SLC44A1: variants seen among roughly 807,000 people sequenced by gnomAD.
SLC44A1 encodes choline transporter-like protein 1.
A neutral mutation model predicts 79.3 loss-of-function variants in SLC44A1; 26 were observed. The observed-to-expected ratio is 0.33, with a 90% CI of 0.24 to 0.46. The LOEUF (loss-of-function observed/expected upper bound fraction) is 0.46, where lower values mean the gene tolerates loss of function less well. Among genes scored for constraint, SLC44A1 ranks in the 20% least tolerant of loss-of-function variants. The probability of loss-of-function intolerance (pLI) is 1.00; values close to 1 mark genes in which losing one functional copy is unlikely to be tolerated. For missense variants in SLC44A1, 688 were observed against 798.1 expected, an observed-to-expected ratio of 0.86 and a Z score of 1.66; for synonymous variants, 263 against 286.2, an observed-to-expected ratio of 0.92 and a Z score of 0.82.
chr9:105,392,583 G>A lies in SLC44A1; in HGVS notation c.*3527G>A, dbSNP rs1027980519. The A allele has an allele frequency of 6.9e-5, 68 of 985,064 alleles. No individual in the cohort carries two copies. The African/African-American group carries it at 1.2e-3, about 17-fold the overall frequency. 61.0% of individuals were successfully genotyped at this position (985,064 alleles called of 1,614,324 possible). On this transcript the variant is annotated 3_prime_UTR_variant, in exon 16 of 16. Transcript: ENST00000374720. Reference sequence around the variant, plus strand: ...GACCCCTTTATTCTGGACCCAAACTGCTTTAGAGCAGAGTTAATACCTCTC... The same window carrying A: ...GACCCCTTTATTCTGGACCCAAACTACTTTAGAGCAGAGTTAATACCTCTC...
intron 2 of SLC44A1, among the ~76,000 whole-genome samples, chr9:105,304,119 G>A (rs1450098170): frequency 2.0e-5 from 3 of 152,218 alleles, no homozygotes; most frequent in African/African-American, 7.2e-5. Context: ...GTTGGATTTA[G>A]GGGACATCAT....
chr9:105,382,991 C>T, intron 13 of SLC44A1, 132 bp from the exon 14 acceptor site: 1 of 640,702 alleles, frequency 1.6e-6, no homozygotes, highest in Non-Finnish European at 2.8e-6. Flanking sequence ...GATTATATTT[C>T]CTCATTTGAG....
At chr9:105,315,327 G>T (rs376090070) in intron 3 of SLC44A1, among the ~76,000 whole-genome samples, 54 of 147,358 alleles carry the variant, frequency 3.7e-4, no homozygotes, top group African/African-American at 1.3e-3. Context: ...AAAATACTTA[G>T]CTTCAAATTG....
At chr9:105,288,171 A>G (rs1471829155) in intron 1 of SLC44A1, among the ~76,000 whole-genome samples, 1 of 152,186 alleles carries the variant, frequency 6.6e-6, no homozygotes, top group Non-Finnish European at 1.5e-5. Context: ...CATGTTTCTA[A>G]CACAACTGTT....
Position 105,299,284 on chromosome 9 carries a change from T to C in SLC44A1, c.101T>C (p.Leu34Pro). ...RSCTDIPWLL[L>P]FILFCIGMGF... ...TGCACAGACATACCATGGCTGCTGCTCTTCATCCTCTTCTGCATTGGGATG... is the reference window on the plus strand; with the variant it reads ...TGCACAGACATACCATGGCTGCTGCCCTTCATCCTCTTCTGCATTGGGATG... Residue 34 changes from leucine to proline, a missense_variant, in exon 2 of 16, where the codon CTC becomes CCC. Leu to Pro is a moderately conservative substitution (Grantham distance 98). Transcript: ENST00000374720. 1 of 1,593,000 alleles carries C rather than the reference T, an allele frequency of 6.3e-7. No individual in the cohort carries two copies. The highest frequency in any genetic ancestry group is 1.2e-5 in the South Asian group (1 of 86,704).
At chr9:105,387,386 A>G (rs555866761) in intron 15 of SLC44A1, among the ~76,000 whole-genome samples, 7 of 152,208 alleles carry the variant, frequency 4.6e-5, no homozygotes, top group South Asian at 4.1e-4. Flanking sequence ...GCTTGGGCAG[A>G]TGGAGGCACA....
At chr9:105,350,851 G>A (rs1294430164) in intron 5 of SLC44A1, among the ~76,000 whole-genome samples, 5 of 152,190 alleles carry the variant, frequency 3.3e-5, no homozygotes, top group Admixed American at 6.5e-5. Context: ...TCTTTCTTGG[G>A]TATCCAGGGG....
chr9:105,379,254 G>A (rs546441827), intron 13 of SLC44A1, among the ~76,000 whole-genome samples: 1 of 152,304 alleles, frequency 6.6e-6, no homozygotes, highest in African/African-American at 2.4e-5. Flanking sequence ...CAGTCTGGGT[G>A]ACAGAGCAAG....
chr9:105,408,895 C>A (rs1020516386), intron 15 of SLC44A1, among the ~76,000 whole-genome samples: 1 of 152,104 alleles, frequency 6.6e-6, no homozygotes, highest in African/African-American at 2.4e-5. Flanking sequence ...GGTATTAATT[C>A]AAACTAAATT....
chr9:105,432,683 G>C (rs1376172381), intron 15 of SLC44A1, among the ~76,000 whole-genome samples: 2 of 152,224 alleles, frequency 1.3e-5, no homozygotes, highest in Non-Finnish European at 2.9e-5. Flanking sequence ...TAATCTTGAT[G>C]ACAGCTGGCA....
chr9:105,378,911 A>G (rs1828375211), intron 13 of SLC44A1, among the ~76,000 whole-genome samples: 3 of 152,256 alleles, frequency 2.0e-5, no homozygotes, highest in Non-Finnish European at 4.4e-5. Flanking sequence ...ATCAACTTGA[A>G]TGAATCTTGA....
At chr9:105,435,608 C>T (rs1047508198) in intron 15 of SLC44A1, among the ~76,000 whole-genome samples, 6 of 152,158 alleles carry the variant, frequency 3.9e-5, no homozygotes, top group African/African-American at 9.7e-5. Context: ...AAGGCAGGAA[C>T]TAGCTGTTTC....
intron 3 of SLC44A1, among the ~76,000 whole-genome samples, chr9:105,310,566 T>C (rs748107914): frequency 3.3e-5 from 5 of 152,224 alleles, no homozygotes; most frequent in Non-Finnish European, 7.4e-5. Flanking sequence ...TCTAACTTGT[T>C]CTTCAGAATT....
chr9:105,292,854 T>C (rs999268543), intron 1 of SLC44A1, among the ~76,000 whole-genome samples: 1 of 152,248 alleles, frequency 6.6e-6, no homozygotes, highest in Non-Finnish European at 1.5e-5. Context: ...CAGTATTTAT[T>C]TGAAGAATCA....
chr9:105,379,873 T>C (rs1828408619), intron 13 of SLC44A1, among the ~76,000 whole-genome samples: 2 of 152,242 alleles, frequency 1.3e-5, no homozygotes, highest in Non-Finnish European at 2.9e-5. Flanking sequence ...GTAATATCTT[T>C]TCTCACACTA....
downstream of SLC44A1, among the ~76,000 whole-genome samples, chr9:105,402,272 G>A (rs1193245586): frequency 6.6e-6 from 1 of 152,126 alleles, no homozygotes; most frequent in Non-Finnish European, 1.5e-5. Flanking sequence ...TTGGGAGGAA[G>A]GAAGCCTGAG....
At chr9:105,344,636 T>G (rs1361481522) in intron 4 of SLC44A1, among the ~76,000 whole-genome samples, 1 of 152,188 alleles carries the variant, frequency 6.6e-6, no homozygotes, top group Non-Finnish European at 1.5e-5. Flanking sequence ...AAACAGTTAT[T>G]TCATTTTTTC....
intron 1 of SLC44A1, among the ~76,000 whole-genome samples, chr9:105,278,245 A>ATTTC (rs1481090045): frequency 2.1e-5 from 3 of 146,270 alleles, no homozygotes; most frequent in African/African-American, 7.6e-5. Context: ...TTCTTTTTCT[A>ATTTC]TTTATTTATT....
chr9:105,342,147 A>T (rs1433611320), intron 4 of SLC44A1, among the ~76,000 whole-genome samples: 1 of 152,196 alleles, frequency 6.6e-6, no homozygotes, highest in African/African-American at 2.4e-5. Flanking sequence ...CCTTATCCAT[A>T]GTTTTACTGT....
Sources: allele counts gnomAD v4.1 joint callset (sites outside exome capture counted in the v4.1 genomes callset), GRCh38; gene constraint gnomAD v4.1.1; transcripts MANE v1.5; gene names NCBI Gene and HGNC (gene_info 2026-07-23, HGNC 2026-07-21).